TBC1D5: variants seen among roughly 807,000 people sequenced by gnomAD.
TBC1D5 encodes the protein TBC1 domain family member 5.
TBC1D5 carries 75 observed loss-of-function variants against 100.3 expected under a neutral mutation model. The ratio of observed to expected loss-of-function variants is 0.75; its 90% confidence interval spans 0.62 to 0.91. TBC1D5 has a LOEUF of 0.91. Among genes scored for constraint, TBC1D5 ranks in the 40% least tolerant of loss-of-function variants. TBC1D5 has a pLI of 0.00. For missense variants in TBC1D5, 910 were observed against 942.4 expected, an observed-to-expected ratio of 0.97 and a Z score of 0.45; for synonymous variants, 323 against 325.6, an observed-to-expected ratio of 0.99 and a Z score of 0.09.
At chr3:17,162,603 T>TAACA (rs1343531561) in intron 21 of TBC1D5, among the ~76,000 whole-genome samples, 2 of 152,174 alleles carry the variant, frequency 1.3e-5, no homozygotes, top group Admixed American at 6.5e-5. Context: ...AACATTCTAT[T>TAACA]AACACATTAA....
intron 1 of TBC1D5, among the ~76,000 whole-genome samples, chr3:17,689,263 G>A (rs1577486280): frequency 6.6e-6 from 1 of 152,186 alleles, no homozygotes. Flanking sequence ...ACAAAGTCCG[G>A]GCACAATGGC....
chr3:17,739,164 C>T (rs576196796), intron 1 of TBC1D5, among the ~76,000 whole-genome samples: 33 of 152,308 alleles, frequency 2.2e-4, no homozygotes, highest in Admixed American at 6.5e-4. Context: ...ACTGTACACA[C>T]TGCCATTCCA....
At chr3:17,646,791 T>C (rs2065059391) in intron 1 of TBC1D5, among the ~76,000 whole-genome samples, 1 of 151,948 alleles carries the variant, frequency 6.6e-6, no homozygotes, top group Non-Finnish European at 1.5e-5. Context: ...TTTTTTTAAA[T>C]TTTAGATTCA....
At chr3:17,288,612 T>G (rs1335724322) in intron 15 of TBC1D5, among the ~76,000 whole-genome samples, 1 of 152,056 alleles carries the variant, frequency 6.6e-6, no homozygotes, top group Non-Finnish European at 1.5e-5. Context: ...CAGCACACAC[T>G]CCCCATTCTG....
chr3:17,382,289 G>C (rs1312517521), intron 9 of TBC1D5, among the ~76,000 whole-genome samples: 1 of 152,000 alleles, frequency 6.6e-6, no homozygotes, highest in Non-Finnish European at 1.5e-5. Flanking sequence ...GTAAATGACA[G>C]AGGTGAGATT....
chr3:17,591,634 C>T (rs577576879), intron 2 of TBC1D5, among the ~76,000 whole-genome samples: 1 of 152,210 alleles, frequency 6.6e-6, no homozygotes, highest in South Asian at 2.1e-4. Context: ...TACAGTGGGT[C>T]CAGTGGGTCC....
chr3:17,249,865 G>A (rs1270376299), intron 16 of TBC1D5, among the ~76,000 whole-genome samples: 1 of 152,068 alleles, frequency 6.6e-6, no homozygotes, highest in Admixed American at 6.6e-5. Flanking sequence ...GTCTTATATG[G>A]GTGCAGTTCA....
intron 15 of TBC1D5, 61 bp from the exon 16 acceptor site, chr3:17,258,652 G>A (rs1344623431): frequency 2.3e-6 from 3 of 1,288,010 alleles, no homozygotes; most frequent in Non-Finnish European, 2.2e-6. Context: ...ACATATAAGA[G>A]GACAGCAATG....
intron 3 of TBC1D5, among the ~76,000 whole-genome samples, chr3:17,436,034 A>G (rs887437858): frequency 2.0e-5 from 3 of 152,230 alleles, no homozygotes; most frequent in Non-Finnish European, 2.9e-5. Context: ...AAGTGCTTTT[A>G]GCTTTTAAGA....
At chr3:17,532,990 A>T (rs1178054362) in intron 2 of TBC1D5, among the ~76,000 whole-genome samples, 1 of 148,932 alleles carries the variant, frequency 6.7e-6, no homozygotes, top group East Asian at 1.9e-4. Context: ...GTATAATAAA[A>T]TTAAAAAAAA....
chr3:17,209,743 G>A (rs1302913872), intron 18 of TBC1D5, among the ~76,000 whole-genome samples: 1 of 151,722 alleles, frequency 6.6e-6, no homozygotes, highest in African/African-American at 2.4e-5. Flanking sequence ...GTCCTTTTTT[G>A]GGGTTAGTTT....
At chr3:17,219,763 G>A (rs1047103252) in intron 17 of TBC1D5, among the ~76,000 whole-genome samples, 2 of 152,020 alleles carry the variant, frequency 1.3e-5, no homozygotes. Flanking sequence ...CAGGAATAGG[G>A]TAAGCTAATA....
In TBC1D5 at chr3:17,303,833, C is replaced by CTTTTTTTTTT. The variant is rs140988557; in HGVS notation, c.1138+4149_1138+4158dup. ...TGGAAGCCTGGATCACAATCTACCT[C>CTTTTTTTTTT]TTTTTTTTTTTTTTTTTTTTTTTTT... On this transcript the variant is annotated intron_variant, in intron 14 of 21. Coordinates refer to ENST00000253692, the Ensembl canonical transcript of TBC1D5. Among the ~76,000 whole-genome samples the CTTTTTTTTTT allele has an allele frequency of 1.4e-4, 12 of 84,520 alleles. 1 individual carries two copies. Among genetic ancestry groups the CTTTTTTTTTT allele is most frequent in the African/African-American group, 5.9e-4 (12 of 20,260 alleles). The allele number at this position is 84,520 out of a possible 152,430, so 55.4% of individuals were successfully genotyped here.
At chr3:17,714,942 G>A (rs2075092076) in intron 1 of TBC1D5, among the ~76,000 whole-genome samples, 1 of 152,188 alleles carries the variant, frequency 6.6e-6, no homozygotes, top group Non-Finnish European at 1.5e-5. Flanking sequence ...ATCTATGCAA[G>A]ACACAGTAGA....
intron 3 of TBC1D5, among the ~76,000 whole-genome samples, chr3:17,494,600 C>G (rs2095681153): frequency 6.6e-6 from 1 of 152,222 alleles, no homozygotes; most frequent in Admixed American, 6.5e-5. Flanking sequence ...CTGTAAGCCC[C>G]TGGCTGGAGT....
intron 8 of TBC1D5, among the ~76,000 whole-genome samples, chr3:17,386,510 G>A (rs2093158706): frequency 6.6e-6 from 1 of 152,118 alleles, no homozygotes; most frequent in South Asian, 2.1e-4. Flanking sequence ...TGCACATCGT[G>A]AACTATAACA....
intron 3 of TBC1D5, among the ~76,000 whole-genome samples, chr3:17,435,697 C>T (rs1209139144): frequency 6.6e-6 from 1 of 152,178 alleles, no homozygotes; most frequent in Admixed American, 6.5e-5. Flanking sequence ...ATATCACTCA[C>T]AGATGCCTGC....
intron 1 of TBC1D5, among the ~76,000 whole-genome samples, chr3:17,653,243 G>T (rs1056112252): frequency 6.6e-6 from 1 of 152,076 alleles, no homozygotes; most frequent in African/African-American, 2.4e-5. Flanking sequence ...AGAGGTGGTA[G>T]ATTGCACAAT....
chr3:17,491,061 CTT>C (rs2095634127), intron 3 of TBC1D5, among the ~76,000 whole-genome samples: 1 of 152,078 alleles, frequency 6.6e-6, no homozygotes, highest in Admixed American at 6.6e-5. Flanking sequence ...ATTTTATTAT[CTT>C]GTTAGCAATT....
Sources: allele counts gnomAD v4.1 joint callset (sites outside exome capture counted in the v4.1 genomes callset), GRCh38; gene constraint gnomAD v4.1.1; transcripts MANE v1.5; gene names NCBI Gene and HGNC (gene_info 2026-07-23, HGNC 2026-07-21).